The following TESMIN variants were observed in gnomAD, a reference collection of about 807,000 sequenced individuals.
TESMIN encodes testis expressed metallothionein like protein.
TESMIN carries 34 observed loss-of-function variants against 47.4 expected under a neutral mutation model. That is an observed-to-expected ratio of 0.72 (90% CI 0.55 to 0.96). The LOEUF (loss-of-function observed/expected upper bound fraction) is 0.96. Ranked by LOEUF, TESMIN falls within the 40% of genes least tolerant of loss-of-function variation. TESMIN has a pLI of 0.00. For synonymous variants in TESMIN, 278 were observed against 258.9 expected (o/e 1.07, Z -0.71); for missense variants, 610 against 637.2 (o/e 0.96, Z 0.46).
At chr11:68,717,082 C>G (rs77236684) in intron 6 of TESMIN, among the ~76,000 whole-genome samples, 1 of 152,208 alleles carries the variant, frequency 6.6e-6, no homozygotes, top group Non-Finnish European at 1.5e-5. Context: ...AGGAACACGG[C>G]GAGGGCCGTG....
chr11:68,735,460 G>A (rs193238603), intron 6 of TESMIN, among the ~76,000 whole-genome samples: 6 of 152,296 alleles, frequency 3.9e-5, no homozygotes, highest in East Asian at 1.9e-4. Flanking sequence ...GGAGGAGGCC[G>A]GCAGGCATTT....
At chr11:68,750,821 G>A in intron 1 of TESMIN, 122 bp from the exon 2 acceptor site, 3 of 212,264 alleles carry the variant, frequency 1.4e-5, no homozygotes, top group South Asian at 1.0e-4. Flanking sequence ...GGGACCAGGT[G>A]AGGGGCGGCT....
chr11:68,748,067 C>G (rs191063943), intron 2 of TESMIN, among the ~76,000 whole-genome samples: 2 of 152,212 alleles, frequency 1.3e-5, no homozygotes, highest in African/African-American at 2.4e-5. Flanking sequence ...TACACTTGCC[C>G]GAGCTGCCTG....
intron 8 of TESMIN, 46 bp from the exon 9 acceptor site, chr11:68,711,095 C>A (rs971885944): frequency 6.8e-7 from 1 of 1,474,860 alleles, no homozygotes; most frequent in South Asian, 1.2e-5. Flanking sequence ...TCTCACAAGT[C>A]ATCAAAAACT....
chr11:68,711,715 A>G (rs577332656), intron 8 of TESMIN, among the ~76,000 whole-genome samples: 1 of 152,188 alleles, frequency 6.6e-6, no homozygotes, highest in Non-Finnish European at 1.5e-5. Context: ...CAGAGAATGT[A>G]CAAGAGAGTA....
chr11:68,715,831 T>A lies in TESMIN; in HGVS notation c.1020+6A>T. 1 of 1,557,994 alleles carries A rather than the reference T, an allele frequency of 6.4e-7. No individual in the cohort carries two copies. The highest frequency in any genetic ancestry group is 1.7e-5 in the Admixed American group (1 of 59,818). On this transcript the variant is annotated splice_donor_region_variant and intron_variant, in intron 7 of 9. Coordinates refer to ENST00000255087, the MANE Select transcript of TESMIN (RefSeq NM_004923.3). ...AAAATGCATACATTTAATGGACATT[T>A]ATTACCTTAATGGCTTTAAACCGTT...
At chr11:68,710,776 G>A in intron 9 of TESMIN, 98 bp downstream of exon 9, 1 of 1,219,090 alleles carries the variant, frequency 8.2e-7, no homozygotes, top group Non-Finnish European at 1.1e-6. Flanking sequence ...CGCCCCTGCA[G>A]GCTCACACAT....
At chr11:68,749,233 G>A (rs192660878) in intron 2 of TESMIN, among the ~76,000 whole-genome samples, 18 of 152,356 alleles carry the variant, frequency 1.2e-4, no homozygotes, top group Non-Finnish European at 2.1e-4. Flanking sequence ...GACAAACAGA[G>A]GTCAGTGGAG....
rs1555223254 is a variant in TESMIN, at chr11:68,718,167, G to GCAGCCCCCAGTCAGCCCATGCCTCACCTA, written c.918-2229_918-2228insTAGGTGAGGCATGGGCTGACTGGGGGCTG. 6.4e-4 allele frequency among the ~76,000 whole-genome samples: 86 copies of GCAGCCCCCAGTCAGCCCATGCCTCACCTA among 134,912 alleles called. 1 individual carries two copies. Among genetic ancestry groups the GCAGCCCCCAGTCAGCCCATGCCTCACCTA allele is most frequent in the Non-Finnish European group, 9.6e-4 (61 of 63,710 alleles). The allele number at this position is 134,912 out of a possible 152,430, so 88.5% of individuals were successfully genotyped here. On this transcript the variant is annotated intron_variant, in intron 6 of 9. Coordinates refer to ENST00000255087, the MANE Select transcript of TESMIN (RefSeq NM_004923.3). ...CCCCCGGTCAGCCCACCCCTCACCT[G>GCAGCCCCCAGTCAGCCCATGCCTCACCTA]CAGCCCCCAGTCAGCCCACACCTCA...
intron 6 of TESMIN, chr11:68,737,297 T>C: frequency 1.0e-6 from 1 of 985,434 alleles, no homozygotes; most frequent in Non-Finnish European, 1.2e-6. Flanking sequence ...CAGCAAAAGT[T>C]GTCAACAGCC....
chr11:68,737,743 C>G (rs992269842), intron 6 of TESMIN: 2 of 895,550 alleles, frequency 2.2e-6, no homozygotes, highest in South Asian at 5.1e-5. Context: ...AAAACCCAGT[C>G]TCTACTAAAA....
intron 7 of TESMIN, among the ~76,000 whole-genome samples, 184 bp from the exon 8 acceptor site, chr11:68,713,591 T>C (rs1033120710): frequency 1.1e-4 from 16 of 152,212 alleles, no homozygotes; most frequent in Admixed American, 8.5e-4. Flanking sequence ...CACAAAAAGA[T>C]ATATTGTAGC....
intron 6 of TESMIN, among the ~76,000 whole-genome samples, chr11:68,734,591 C>T (rs1318223672): frequency 6.6e-6 from 1 of 152,190 alleles, no homozygotes; most frequent in Non-Finnish European, 1.5e-5. Context: ...CCAGTGGGGG[C>T]ATGCATCTCT....
intron 7 of TESMIN, among the ~76,000 whole-genome samples, chr11:68,715,548 A>G (rs2153990879): frequency 6.6e-6 from 1 of 150,984 alleles, no homozygotes; most frequent in East Asian, 1.9e-4. Flanking sequence ...CTAAACTCCA[A>G]GATAAAGTGG....
intron 6 of TESMIN, among the ~76,000 whole-genome samples, chr11:68,732,307 A>G (rs904856579): frequency 1.3e-5 from 2 of 152,176 alleles, no homozygotes; most frequent in Non-Finnish European, 2.9e-5. Context: ...TCTAGACAAG[A>G]AGCTGTTTCT....
intron 3 of TESMIN, among the ~76,000 whole-genome samples, chr11:68,745,334 A>C (rs1346951976): frequency 6.6e-6 from 1 of 151,690 alleles, no homozygotes; most frequent in African/African-American, 2.4e-5. Flanking sequence ...AAACCCAGAA[A>C]TGTTTCCTGA....
chr11:68,747,295 A>G lies in TESMIN; in HGVS notation c.543T>C (p.Leu181=). The G allele has an allele frequency of 6.2e-7, 1 of 1,614,096 alleles. No individual in the cohort carries two copies. Residue 181 remains leucine, a synonymous_variant, in exon 3 of 10, where the codon CTT becomes CTC. Transcript: ENST00000255087. The part of the protein sequence containing the change: ...NPEEATLQNL[L]AQESCCKFPS... ...GGAACTTGCAACAGGATTCCTGAGC[A>G]AGAAGATTCTGCAAAGTTGCTTCTT... is the stretch of plus-strand genomic sequence containing the variant.
chr11:68,750,828 G>A (rs1471247540), intron 1 of TESMIN, 129 bp from the exon 2 acceptor site: 2 of 230,416 alleles, frequency 8.7e-6, no homozygotes, highest in Non-Finnish European at 1.4e-5. Flanking sequence ...GGTGAGGGGC[G>A]GCTAGGGGAG....
intron 8 of TESMIN, 72 bp from the exon 9 acceptor site, chr11:68,711,121 G>A: frequency 7.7e-7 from 1 of 1,290,442 alleles, no homozygotes; most frequent in Non-Finnish European, 1.1e-6. Flanking sequence ...ATTCTATTTG[G>A]ACCTTAAATA....
Sources: gnomAD v4.1 joint callset for allele counts (sites outside exome capture counted in the v4.1 genomes callset) on GRCh38, gnomAD v4.1.1 for gene constraint, MANE v1.5 for transcripts, NCBI Gene and HGNC (gene_info 2026-07-23, HGNC 2026-07-21) for gene names.